MAPRE3: variants seen among roughly 807,000 people sequenced by gnomAD.
MAPRE3 encodes the protein microtubule associated protein RP/EB family member 3, also known as microtubule-associated protein RP/EB family member 3.
A neutral mutation model predicts 30.5 loss-of-function variants in MAPRE3; 2 were observed. The observed-to-expected ratio is 0.07, with a 90% confidence interval of 0.03 to 0.21. The LOEUF is 0.21. Among genes scored for constraint, MAPRE3 ranks in the 10% least tolerant of loss-of-function variants. The probability of loss-of-function intolerance (pLI) is 1.00; values close to 1 mark genes in which losing one functional copy is unlikely to be tolerated. For missense variants in MAPRE3, 204 were observed against 351.8 expected, an observed-to-expected ratio of 0.58 and a Z score of 3.36; for synonymous variants, 110 against 127.7, an observed-to-expected ratio of 0.86 and a Z score of 0.93.
Position 27,015,214 on chromosome 2 carries a change from T to A in MAPRE3, c.-7-6998T>A, listed in dbSNP as rs1235481379. ...CAAATGCCCTTAGATTCTCACTGTCTGTCCCCGCGATGCTGACAGCACTTG... is the reference window on the plus strand; with the variant it reads ...CAAATGCCCTTAGATTCTCACTGTCAGTCCCCGCGATGCTGACAGCACTTG... On this transcript the variant is annotated intron_variant, in intron 1 of 6. Transcript: ENST00000233121. This position sits in a 1 kb window ranked among gnomAD's most constrained non-coding sequence, Gnocchi z 4.0. Among the ~76,000 whole-genome samples, 1 of 152,272 alleles carries A rather than the reference T, an allele frequency of 6.6e-6. No homozygotes were observed. The highest frequency in any genetic ancestry group is 1.5e-5 in the Non-Finnish European group (1 of 68,046).
chr2:27,000,557 C>G (rs746321275), intron 1 of MAPRE3, among the ~76,000 whole-genome samples: 1 of 152,136 alleles, frequency 6.6e-6, no homozygotes, highest in Non-Finnish European at 1.5e-5. Context: ...ATTTTTTACA[C>G]CTAATAATGT....
Position 27,006,962 on chromosome 2 carries a change from A to G in MAPRE3, c.-7-15250A>G, listed in dbSNP as rs187021658. On this transcript the variant is annotated intron_variant, in intron 1 of 6. Coordinates refer to ENST00000233121, the MANE Select transcript of MAPRE3 (RefSeq NM_012326.4). ...AACCAATGGTGTAAGGTTTGTTTAC[A>G]GATTCCTCTGGTGCTGTGTCTGGGC... Among the ~76,000 whole-genome samples the G allele has an allele frequency of 6.3e-3, 954 of 152,324 alleles. 10 individuals carry two copies. Among genetic ancestry groups the G allele is most frequent in the African/African-American group, 0.022 (933 of 41,554 alleles).
At position 27,026,492 on chromosome 2, in the gene MAPRE3, T is replaced by C; in HGVS notation, c.*144T>C. ...ACTGGGGAGCCAGGCGAGGGGGGCT[T>C]GGGGGCATGGGGCCGGAAAGCAGGC... On this transcript the variant is annotated 3_prime_UTR_variant, in exon 7 of 7. Coordinates refer to ENST00000233121, the MANE Select transcript of MAPRE3 (RefSeq NM_012326.4). 2 of 668,856 alleles carry C rather than the reference T, an allele frequency of 3.0e-6. No homozygotes were observed. Among genetic ancestry groups the C allele is most frequent in the Non-Finnish European group, 4.9e-6 (2 of 407,308 alleles). The allele number at this position is 668,856 out of a possible 1,614,324, so 41.4% of individuals were successfully genotyped here.
At chr2:26,971,494 G>A (rs1462526747) in intron 1 of MAPRE3, among the ~76,000 whole-genome samples, 2 of 152,342 alleles carry the variant, frequency 1.3e-5, no homozygotes, top group East Asian at 3.9e-4. Context: ...CTGCCCGGCC[G>A]GTGTTGCGGA....
chr2:27,015,527 C>A lies in MAPRE3; in HGVS notation c.-7-6685C>A, dbSNP rs995459968. Among the ~76,000 whole-genome samples, 4 of 152,120 alleles carry A rather than the reference C, an allele frequency of 2.6e-5. No individual in the cohort carries two copies. Among genetic ancestry groups the A allele is most frequent in the African/African-American group, 9.7e-5 (4 of 41,420 alleles). ...GGTAGACCTGGTGTGTCTTTCATAGCCACGCTGGGCAGAGGGTGGAGGCCT... is the reference window on the plus strand; with the variant it reads ...GGTAGACCTGGTGTGTCTTTCATAGACACGCTGGGCAGAGGGTGGAGGCCT... On this transcript the variant is annotated intron_variant, in intron 1 of 6. Transcript: ENST00000233121. This position sits in a 1 kb window ranked among gnomAD's most constrained non-coding sequence, Gnocchi z 4.0.
chr2:27,022,518 C>G, intron 2 of MAPRE3, 179 bp downstream of exon 2: 1 of 802,518 alleles, frequency 1.2e-6, no homozygotes, highest in East Asian at 2.7e-5. Context: ...TGTATTTACA[C>G]AAACCTGGAT....
At position 26,988,358 on chromosome 2, in the gene MAPRE3, A is replaced by G. The variant is rs1210339114; in HGVS notation, c.-8+17556A>G. ...TATATCAGAGCATCAAGAACACTGC[A>G]TACATTTAGCTGCTTTTAAAAATGT... On this transcript the variant is annotated intron_variant, in intron 1 of 6. Coordinates refer to ENST00000233121, the MANE Select transcript of MAPRE3 (RefSeq NM_012326.4). Among the ~76,000 whole-genome samples, 3 of 152,192 alleles carry G rather than the reference A, an allele frequency of 2.0e-5. No homozygotes were observed. In the East Asian group the frequency reaches 5.8e-4, roughly 29 times the overall value.
intron 3 of MAPRE3, chr2:27,023,759 C>A: frequency 2.0e-6 from 1 of 512,096 alleles, no homozygotes; most frequent in East Asian, 3.5e-5. Context: ...AGTTCCACCT[C>A]TCTCTGTCTC....
At position 26,995,825 on chromosome 2, in the gene MAPRE3, G is replaced by GTGTGTGTGTGTA. The variant is rs1473997599; in HGVS notation, c.-8+25028_-8+25029insGTGTGTATGTGT. Among the ~76,000 whole-genome samples, 316 of 149,190 alleles carry GTGTGTGTGTGTA rather than the reference G, an allele frequency of 2.1e-3. 1 individual carries two copies. In the East Asian group the frequency reaches 0.023, roughly 11 times the overall value. The stretch of plus-strand genomic sequence containing the variant: ...TGTGTGTGTGTGTGTGTGTGTGTGT[G>GTGTGTGTGTGTA]TGTGTATGTGTGTGTGTTTTGGAAA... On this transcript the variant is annotated intron_variant, in intron 1 of 6. Transcript: ENST00000233121.
At chr2:26,978,335 A>G (rs1219102860) in intron 1 of MAPRE3, among the ~76,000 whole-genome samples, 1 of 152,182 alleles carries the variant, frequency 6.6e-6, no homozygotes, top group Admixed American at 6.5e-5. Flanking sequence ...TACCTTTCCC[A>G]TGTGAGGAGT....
chr2:27,004,082 A>G (rs576308045), intron 1 of MAPRE3, among the ~76,000 whole-genome samples: 1 of 152,196 alleles, frequency 6.6e-6, no homozygotes, highest in Non-Finnish European at 1.5e-5. Flanking sequence ...CGAGCCATAC[A>G]CATAATGATG....
In MAPRE3 at chr2:27,024,313, C is replaced by G. The variant is rs775405390; in HGVS notation, c.469+16C>G. The stretch of plus-strand genomic sequence containing the variant: ...GGCACAGCAGGTAACGTGCCCGAGC[C>G]GGGGGAGGGAGCGTGGGGGGCCGGG... On this transcript the variant is annotated intron_variant, in intron 4 of 6. Coordinates refer to ENST00000233121, the MANE Select transcript of MAPRE3 (RefSeq NM_012326.4). 5 of 1,609,680 alleles carry G rather than the reference C, an allele frequency of 3.1e-6. No individual in the cohort carries two copies. The Admixed American group carries it at 5.0e-5, about 16-fold the overall frequency.
At chr2:26,976,321 A>G (rs1666013280) in intron 1 of MAPRE3, among the ~76,000 whole-genome samples, 1 of 152,238 alleles carries the variant, frequency 6.6e-6, no homozygotes, top group African/African-American at 2.4e-5. Context: ...TGTCATGTTT[A>G]TTATAGAAAG....
intron 1 of MAPRE3, among the ~76,000 whole-genome samples, chr2:26,982,790 CA>C (rs1203071273): frequency 2.6e-5 from 4 of 152,206 alleles, no homozygotes; most frequent in Non-Finnish European, 5.9e-5. Context: ...TGGGGCTCAA[CA>C]AATAATTGCA....
chr2:26,995,509 G>T (rs941428582), intron 1 of MAPRE3: 1 of 152,186 alleles, frequency 6.6e-6, no homozygotes, highest in Non-Finnish European at 1.5e-5. Context: ...CAAGACTCAA[G>T]AGCCAGCTGT....
Position 27,004,728 on chromosome 2 carries a change from T to TAAAA in MAPRE3, c.-7-17469_-7-17466dup, listed in dbSNP as rs563188243. ...AATTACTAGAATATCAAGGATCTAG[T>TAAAA]AAAAAAAAAAAAAAAAAAGTAAATG... On this transcript the variant is annotated intron_variant, in intron 1 of 6. Transcript: ENST00000233121. Among the ~76,000 whole-genome samples, 730 of 120,396 alleles carry TAAAA rather than the reference T, an allele frequency of 6.1e-3. 7 individuals are homozygous for TAAAA. Among genetic ancestry groups the TAAAA allele is most frequent in the African/African-American group, 0.022 (713 of 32,296 alleles). 79.0% of individuals were successfully genotyped at this position (120,396 alleles called of 152,430 possible). A position where few individuals can be genotyped will look rare whatever the true frequency, so the allele number is the denominator to read the frequency against.
intron 1 of MAPRE3, chr2:27,013,846 G>T (rs936129529): frequency 2.0e-5 from 3 of 152,284 alleles, no homozygotes; most frequent in Non-Finnish European, 4.4e-5. Flanking sequence ...AGTAAAGGTT[G>T]CTCAGCCCCC....
chr2:26,979,100 CA>C (rs1190241123), intron 1 of MAPRE3, among the ~76,000 whole-genome samples: 1 of 152,122 alleles, frequency 6.6e-6, no homozygotes, highest in African/African-American at 2.4e-5. Context: ...CTGTGAGAAC[CA>C]GAAAGACTTC....
At chr2:26,977,426 CTT>C (rs1666034279) in intron 1 of MAPRE3, among the ~76,000 whole-genome samples, 1 of 152,138 alleles carries the variant, frequency 6.6e-6, no homozygotes, top group South Asian at 2.1e-4. Flanking sequence ...TCCCAGGTGT[CTT>C]TTCAGATTCT....
Sources: gnomAD v4.1 joint callset for allele counts (sites outside exome capture counted in the v4.1 genomes callset) on GRCh38, gnomAD v4.1.1 for gene constraint, Gnocchi (gnomAD v3.1) non-coding constraint, MANE v1.5 for transcripts, NCBI Gene and HGNC (gene_info 2026-07-23, HGNC 2026-07-21) for gene names.